Variants in B3GLCT observed in about 807,000 individuals in gnomAD.
B3GLCT encodes the protein beta 3-glucosyltransferase.
B3GLCT carries 65 observed loss-of-function variants against 63.4 expected under a neutral mutation model. The observed-to-expected ratio is 1.03, with a 90% CI of 0.84 to 1.26. The LOEUF (loss-of-function observed/expected upper bound fraction) is 1.26, where lower values mean the gene tolerates loss of function less well. B3GLCT is among the 50% of genes most tolerant of loss of function. B3GLCT has a pLI of 0.00. For synonymous variants in B3GLCT, 233 were observed against 219.2 expected, an observed-to-expected ratio of 1.06 and a Z score of -0.55; for missense variants, 577 against 604.8, an observed-to-expected ratio of 0.95 and a Z score of 0.48.
intron 4 of B3GLCT, among the ~76,000 whole-genome samples, chr13:31,246,328 A>G (rs1329987055): frequency 1.3e-5 from 2 of 152,214 alleles, no homozygotes; most frequent in African/African-American, 2.4e-5. Flanking sequence ...GTAGCCTTAA[A>G]AATATTAATC....
chr13:31,291,525 G>C (rs189333276), intron 12 of B3GLCT, among the ~76,000 whole-genome samples: 12 of 152,218 alleles, frequency 7.9e-5, no homozygotes, highest in Admixed American at 6.5e-4. Context: ...AGTTCTCCTT[G>C]AAGAGGTCTT....
intron 13 of B3GLCT, among the ~76,000 whole-genome samples, chr13:31,318,009 A>C (rs961821407): frequency 6.6e-6 from 1 of 151,992 alleles, no homozygotes; most frequent in Admixed American, 6.6e-5. Flanking sequence ...TTTTAATCTC[A>C]GAGAATAAGC....
At chr13:31,231,399 T>G (rs1330836562) in intron 4 of B3GLCT, among the ~76,000 whole-genome samples, 1 of 152,184 alleles carries the variant, frequency 6.6e-6, no homozygotes, top group East Asian at 1.9e-4. Context: ...AGCAATACCT[T>G]TCTTTTTGCA....
intron 12 of B3GLCT, chr13:31,311,778 G>A (rs1243351013): frequency 6.6e-6 from 1 of 152,158 alleles, no homozygotes; most frequent in Non-Finnish European, 1.5e-5. Flanking sequence ...TGAGCTACAT[G>A]GAGTTCCCAA....
chr13:31,309,644 G>A (rs1184848463), intron 12 of B3GLCT, among the ~76,000 whole-genome samples: 2 of 152,218 alleles, frequency 1.3e-5, no homozygotes, highest in Non-Finnish European at 2.9e-5. Context: ...GAGATGTGTA[G>A]GGCAAGGTAT....
chr13:31,204,876 C>T (rs187100540), intron 1 of B3GLCT, among the ~76,000 whole-genome samples: 2 of 152,180 alleles, frequency 1.3e-5, no homozygotes, highest in East Asian at 3.9e-4. Flanking sequence ...TCTGTCACAT[C>T]CACCATGGGT....
Position 31,201,405 on chromosome 13 carries a change from A to G in B3GLCT, c.70+1251A>G, listed in dbSNP as rs549042131. Among the ~76,000 whole-genome samples, 15 of 152,204 alleles carry G rather than the reference A, an allele frequency of 9.9e-5. 1 individual carries two copies. The highest frequency in any genetic ancestry group is 3.6e-4 in the African/African-American group (15 of 41,436). ...GCATGATTAATTAGGCAGCAGTGTA[A>G]TTAAAAATATTAGGGCACCTCCGGC... On this transcript the variant is annotated intron_variant, in intron 1 of 14. Transcript: ENST00000343307.
chr13:31,221,404 C>T (rs1393482998), intron 2 of B3GLCT, among the ~76,000 whole-genome samples: 2 of 152,194 alleles, frequency 1.3e-5, no homozygotes, highest in African/African-American at 4.8e-5. Context: ...CGCATGCTGA[C>T]TTACGGTGAT....
chr13:31,296,733 A>G (rs1236406069), intron 12 of B3GLCT, among the ~76,000 whole-genome samples: 2 of 151,986 alleles, frequency 1.3e-5, no homozygotes, highest in African/African-American at 4.8e-5. Flanking sequence ...TGGTTCATCC[A>G]CCATATGTTT....
chr13:31,227,853 T>A (rs1220539066), intron 3 of B3GLCT, among the ~76,000 whole-genome samples: 1 of 152,236 alleles, frequency 6.6e-6, no homozygotes, highest in Non-Finnish European at 1.5e-5. Flanking sequence ...GGTCCCCACA[T>A]GGCTTTGCTG....
At chr13:31,316,260 G>A (rs370073264) in intron 12 of B3GLCT, among the ~76,000 whole-genome samples, 10 of 151,152 alleles carry the variant, frequency 6.6e-5, no homozygotes, top group East Asian at 2.0e-4. Flanking sequence ...TGGAAAAGCC[G>A]CAAGCACTTA....
chr13:31,326,529 C>T (rs542559194), intron 14 of B3GLCT, among the ~76,000 whole-genome samples: 1 of 152,174 alleles, frequency 6.6e-6, no homozygotes, highest in South Asian at 2.1e-4. Context: ...GATCCACCTG[C>T]CTCGGCCTCC....
chr13:31,293,813 G>C, intron 12 of B3GLCT, among the ~76,000 whole-genome samples: 1 of 152,092 alleles, frequency 6.6e-6, no homozygotes, highest in African/African-American at 2.4e-5. Flanking sequence ...TACATTTAAG[G>C]TTAATATTGT....
intron 2 of B3GLCT, among the ~76,000 whole-genome samples, chr13:31,219,629 G>A (rs1869723961): frequency 6.6e-6 from 1 of 152,144 alleles, no homozygotes; most frequent in African/African-American, 2.4e-5. Flanking sequence ...GCTGTGCTCA[G>A]CCTCCTCATC....
At chr13:31,258,792 C>T (rs892574903) in intron 6 of B3GLCT, among the ~76,000 whole-genome samples, 5 of 152,226 alleles carry the variant, frequency 3.3e-5, no homozygotes, top group Non-Finnish European at 4.4e-5. Flanking sequence ...TTGTTCTCAC[C>T]GGAGTTTATA....
At chr13:31,215,840 G>T (rs1869532877) in intron 2 of B3GLCT, among the ~76,000 whole-genome samples, 1 of 152,224 alleles carries the variant, frequency 6.6e-6, no homozygotes, top group Non-Finnish European at 1.5e-5. Context: ...GAGAGGGCAT[G>T]CTGGGGCCTG....
At chr13:31,283,377 C>T (rs976226545) in intron 10 of B3GLCT, 2 of 152,194 alleles carry the variant, frequency 1.3e-5, no homozygotes, top group Admixed American at 6.5e-5. Flanking sequence ...TTTTGTTGTG[C>T]TGAAATTTGG....
chr13:31,251,420 A>C (rs867890408), intron 6 of B3GLCT, among the ~76,000 whole-genome samples: 2 of 152,334 alleles, frequency 1.3e-5, no homozygotes, highest in East Asian at 3.9e-4. Context: ...AAACTCCTTC[A>C]AGCTAAAGGA....
intron 12 of B3GLCT, among the ~76,000 whole-genome samples, chr13:31,294,114 T>G (rs1873815799): frequency 6.6e-6 from 1 of 152,236 alleles, no homozygotes; most frequent in Admixed American, 6.5e-5. Flanking sequence ...TTCTTTTCTT[T>G]AAGAATGTTG....
Sources: allele counts gnomAD v4.1 joint callset (sites outside exome capture counted in the v4.1 genomes callset), GRCh38; gene constraint gnomAD v4.1.1; transcripts MANE v1.5; gene names NCBI Gene and HGNC (gene_info 2026-07-23, HGNC 2026-07-21).